SYBU: variants seen among roughly 807,000 people sequenced by gnomAD.
SYBU encodes GOLSYN A protein.
A neutral mutation model predicts 35.9 loss-of-function variants in SYBU; 21 were observed. That is an observed-to-expected ratio of 0.58 (90% CI 0.41 to 0.84). The LOEUF (loss-of-function observed/expected upper bound fraction) is 0.84. SYBU is among the 40% of genes least tolerant of loss of function. SYBU has a pLI of 0.00. For missense variants in SYBU, 768 were observed against 848.2 expected, an observed-to-expected ratio of 0.91 and a Z score of 1.17; for synonymous variants, 319 against 324.3, an observed-to-expected ratio of 0.98 and a Z score of 0.18.
At chr8:109,670,794 TTCA>T (rs1816951238) in intron 1 of SYBU, among the ~76,000 whole-genome samples, 1 of 152,186 alleles carries the variant, frequency 6.6e-6, no homozygotes, top group Non-Finnish European at 1.5e-5. Context: ...TCCATCTCCC[TTCA>T]TTTCTTCCAT....
intron 2 of SYBU, among the ~76,000 whole-genome samples, chr8:109,634,006 T>C (rs1371016125): frequency 6.6e-6 from 1 of 152,170 alleles, no homozygotes; most frequent in Admixed American, 6.5e-5. Flanking sequence ...AGTGCTGGGA[T>C]TACAGGTGTG....
At chr8:109,607,102 TAA>T (rs201687242) in intron 3 of SYBU, among the ~76,000 whole-genome samples, 1,657 of 152,318 alleles carry the variant, frequency 0.011, 35 homozygotes, top group African/African-American at 0.038. Flanking sequence ...TTCTACTAAT[TAA>T]TTTTACCACC....
chr8:109,683,537 T>C (rs1817453182), upstream of SYBU, among the ~76,000 whole-genome samples: 1 of 152,204 alleles, frequency 6.6e-6, no homozygotes, highest in Non-Finnish European at 1.5e-5. Flanking sequence ...TTTTGCAGGC[T>C]CATAGGCAGA....
At chr8:109,669,478 T>C (rs772415266) in intron 1 of SYBU, among the ~76,000 whole-genome samples, 5 of 151,948 alleles carry the variant, frequency 3.3e-5, no homozygotes, top group Non-Finnish European at 7.4e-5. Flanking sequence ...CATATCAACG[T>C]GTTGAAGTTT....
upstream of SYBU, chr8:109,645,585 A>C (rs1815574086): frequency 3.3e-6 from 1 of 302,936 alleles, no homozygotes; most frequent in Non-Finnish European, 6.6e-6. Flanking sequence ...CGGTCCCTTC[A>C]GCCTGAGTGC....
At position 109,644,761 on chromosome 8, in the gene SYBU, G is replaced by A. The variant is rs1480505475; in HGVS notation, c.-102C>T. ...AGACTGCGCTGAGCCGGCGCGGGCT[G>A]CGGGCGGCGGCTCTTGGTGAGGCTC... is the stretch of plus-strand genomic sequence containing the variant. On this transcript the variant is annotated 5_prime_UTR_variant, in exon 1 of 7. Transcript: ENST00000276646. The A allele has an allele frequency of 3.4e-6, 4 of 1,173,134 alleles. No individual in the cohort carries two copies. The highest frequency in any genetic ancestry group is 4.4e-6 in the Non-Finnish European group (4 of 906,648). 72.7% of individuals were successfully genotyped at this position (1,173,134 alleles called of 1,614,324 possible).
chr8:109,637,043 A>T (rs1404680399), intron 2 of SYBU, among the ~76,000 whole-genome samples: 1 of 152,148 alleles, frequency 6.6e-6, no homozygotes, highest in Admixed American at 6.5e-5. Context: ...CATACCCCTC[A>T]TACTCCTCAT....
In SYBU at chr8:109,574,691, C is replaced by T. The variant is rs949355593; in HGVS notation, c.*215G>A. 2 of 450,244 alleles carry T rather than the reference C, an allele frequency of 4.4e-6. No individual in the cohort carries two copies. Among genetic ancestry groups the T allele is most frequent in the Non-Finnish European group, 7.7e-6 (2 of 261,046 alleles). 27.9% of individuals were successfully genotyped at this position (450,244 alleles called of 1,614,324 possible). The stretch of plus-strand genomic sequence containing the variant: ...AGGGTCATGAGCATGCTTTCTATAC[C>T]CCACTGGTGGGACATTTACTGGAAC... On this transcript the variant is annotated 3_prime_UTR_variant, in exon 7 of 7. Coordinates refer to ENST00000276646, the MANE Select transcript of SYBU (RefSeq NM_001099754.2).
intron 3 of SYBU, among the ~76,000 whole-genome samples, chr8:109,595,615 A>G (rs896483289): frequency 4.4e-4 from 67 of 152,320 alleles, no homozygotes; most frequent in African/African-American, 1.5e-3. Context: ...TTCCTGCTGG[A>G]AGCATGAAGA....
At chr8:109,685,994 T>C (rs1009278949), upstream of SYBU, among the ~76,000 whole-genome samples, 1 of 152,226 alleles carries the variant, frequency 6.6e-6, no homozygotes, top group African/African-American at 2.4e-5. Context: ...AAAACAAATA[T>C]TTGTCAATTC....
chr8:109,577,945 A>G lies in SYBU; in HGVS notation c.807T>C (p.Thr269=). Residue 269 remains threonine (T), a synonymous_variant, in exon 6 of 7, where the codon ACT becomes ACC. Coordinates refer to ENST00000276646, the MANE Select transcript of SYBU (RefSeq NM_001099754.2). The stretch of plus-strand genomic sequence containing the variant: ...CTGTCACCTCTTTCTGCTGCAGTGG[A>G]GTCAAATACTGCTCTGGGTTTGGGG... ...VRPPNPEQYL[T]PLQQKEVTVR... The G allele has an allele frequency of 6.2e-7, 1 of 1,613,862 alleles. No homozygotes were observed. The highest frequency in any genetic ancestry group is 1.1e-5 in the South Asian group (1 of 91,030).
At position 109,691,467 on chromosome 8, in the gene SYBU, C is replaced by T. The variant is rs1587009180; in HGVS notation, c.-192G>A. The stretch of plus-strand genomic sequence containing the variant: ...GTCGCTGCTGGTTTGCGCTCAGGCC[C>T]GGGGAGCCGGGCCCGGCCCGCTCCG... On this transcript the variant is annotated 5_prime_UTR_variant, in exon 1 of 8. Transcript: ENST00000422135. This position sits in a 1 kb window ranked among gnomAD's most constrained non-coding sequence, Gnocchi z 4.7. The T allele has an allele frequency of 1.8e-6, 1 of 549,144 alleles. No homozygotes were observed. Among genetic ancestry groups the T allele is most frequent in the Non-Finnish European group, 3.1e-6 (1 of 318,362 alleles). The allele number at this position is 549,144 out of a possible 1,614,324, so 34.0% of individuals were successfully genotyped here. A position where few individuals can be genotyped will look rare whatever the true frequency, so the allele number is the denominator to read the frequency against.
intron 3 of SYBU, chr8:109,586,436 A>T: frequency 2.4e-6 from 1 of 408,526 alleles, no homozygotes; most frequent in Non-Finnish European, 4.4e-6. Context: ...CAGTGACCCA[A>T]GTGCATCAAG....
Position 109,644,773 on chromosome 8 carries a change from T to G in SYBU, c.-114A>C. ...GCCGGCGCGGGCTGCGGGCGGCGGCTCTTGGTGAGGCTCCAACGCGCCGCC... is the reference window on the plus strand; with the variant it reads ...GCCGGCGCGGGCTGCGGGCGGCGGCGCTTGGTGAGGCTCCAACGCGCCGCC... On this transcript the variant is annotated 5_prime_UTR_variant, in exon 1 of 7. Transcript: ENST00000276646. The G allele has an allele frequency of 1.8e-6, 2 of 1,085,764 alleles. No individual in the cohort carries two copies. The highest frequency in any genetic ancestry group is 4.7e-5 in the South Asian group (2 of 42,722). 67.3% of individuals were successfully genotyped at this position (1,085,764 alleles called of 1,614,324 possible).
upstream of SYBU, among the ~76,000 whole-genome samples, chr8:109,649,519 T>TTC (rs1181825496): frequency 6.6e-6 from 1 of 152,096 alleles, no homozygotes; most frequent in East Asian, 1.9e-4. Flanking sequence ...CAAACGAGTG[T>TTC]TCAGTCAGAG....
intron 1 of SYBU, among the ~76,000 whole-genome samples, chr8:109,656,458 C>T (rs1217726696): frequency 6.6e-6 from 1 of 152,096 alleles, no homozygotes; most frequent in Non-Finnish European, 1.5e-5. Context: ...TAAGAATCTT[C>T]TGTTTGTCAT....
At chr8:109,585,989 T>C in intron 4 of SYBU, 71 bp downstream of exon 4, 1 of 1,041,944 alleles carries the variant, frequency 9.6e-7, no homozygotes, top group South Asian at 1.4e-5. Flanking sequence ...CGGGTGGTTC[T>C]ACAGATGCAC....
intron 1 of SYBU, among the ~76,000 whole-genome samples, chr8:109,672,364 G>A (rs1173060148): frequency 6.6e-6 from 1 of 152,202 alleles, no homozygotes; most frequent in African/African-American, 2.4e-5. Context: ...TAGACAGTGG[G>A]TGCAGCCCAC....
At chr8:109,651,818 A>T (rs1816153812) in intron 1 of SYBU, among the ~76,000 whole-genome samples, 1 of 152,080 alleles carries the variant, frequency 6.6e-6, no homozygotes, top group South Asian at 2.1e-4. Flanking sequence ...CCTCATCCTA[A>T]AAAGTTTCAT....
Sources: allele counts gnomAD v4.1 joint callset (sites outside exome capture counted in the v4.1 genomes callset), GRCh38; gene constraint gnomAD v4.1.1; non-coding constraint Gnocchi (gnomAD v3.1); transcripts MANE v1.5; gene names NCBI Gene and HGNC (gene_info 2026-07-23, HGNC 2026-07-21).